The following PALS2 variants were observed in gnomAD, a reference collection of about 807,000 sequenced individuals.
The protein encoded by PALS2 is protein PALS2.
Under a neutral mutation model 61.6 loss-of-function variants are expected in PALS2, and 27 were observed. The ratio of observed to expected loss-of-function variants is 0.44; its 90% CI spans 0.32 to 0.60. PALS2 has a LOEUF of 0.60. Among genes scored for constraint, PALS2 ranks in the 20% least tolerant of loss-of-function variants. The pLI, the probability that PALS2 is intolerant of heterozygous loss-of-function variation, is 0.05. For synonymous variants in PALS2, 236 were observed against 218.6 expected (o/e 1.08, Z -0.70); for missense variants, 554 against 639.4 (o/e 0.87, Z 1.44).
intron 11 of PALS2, among the ~76,000 whole-genome samples, chr7:24,685,546 A>G (rs1788151052): frequency 6.6e-6 from 1 of 151,346 alleles, no homozygotes; most frequent in Admixed American, 6.6e-5. Flanking sequence ...ATGTGCCTGC[A>G]TTTTTCCAAT....
intron 1 of PALS2, among the ~76,000 whole-genome samples, chr7:24,613,508 ATGTTT>A: frequency 6.6e-6 from 1 of 151,760 alleles, no homozygotes. Context: ...GTACTTAGTG[ATGTTT>A]TAGTACATAC....
chr7:24,629,292 A>G (rs1400346131), intron 2 of PALS2, among the ~76,000 whole-genome samples: 2 of 152,202 alleles, frequency 1.3e-5, no homozygotes, highest in Admixed American at 1.3e-4. Flanking sequence ...ATATGCAGAA[A>G]ACTGAAACTG....
At chr7:24,646,591 A>C (rs1190479681) in intron 3 of PALS2, among the ~76,000 whole-genome samples, 1 of 152,188 alleles carries the variant, frequency 6.6e-6, no homozygotes, top group Non-Finnish European at 1.5e-5. Context: ...AATGTTTGTC[A>C]AGGATATTGG....
chr7:24,665,658 C>T lies in PALS2; in HGVS notation c.854C>T (p.Ala285Val). 3 of 1,613,748 alleles carry T rather than the reference C, an allele frequency of 1.9e-6. No individual in the cohort carries two copies. Among genetic ancestry groups the T allele is most frequent in the Non-Finnish European group, 2.5e-6 (3 of 1,179,708 alleles). Residue 285 changes from alanine (A) to valine (V), a missense_variant, in exon 7 of 12, where the codon GCA becomes GTA. Ala to Val is a moderately conservative substitution (Grantham distance 64, BLOSUM62 0). Coordinates refer to ENST00000222644, the MANE Select transcript of PALS2 (RefSeq NM_001303037.2). ...CAGTTCCTGGAAGAGAAGAGAAAGG[C>T]ATTTGTTAGAAGAGACTGGGACAAT... ...PSQFLEEKRK[A>V]FVRRDWDNSG...
chr7:24,601,211 C>G, intron 1 of PALS2, among the ~76,000 whole-genome samples: 1 of 152,188 alleles, frequency 6.6e-6, no homozygotes, highest in East Asian at 1.9e-4. Flanking sequence ...GTTCTTTCAC[C>G]CTAATTATAT....
At chr7:24,670,258 C>G (rs888170444) in intron 9 of PALS2, among the ~76,000 whole-genome samples, 12 of 150,966 alleles carry the variant, frequency 7.9e-5, no homozygotes, top group Admixed American at 5.9e-4. Context: ...TTTATACTAC[C>G]TGATTTTATA....
At chr7:24,614,583 G>C (rs1020574070) in intron 1 of PALS2, among the ~76,000 whole-genome samples, 4 of 151,850 alleles carry the variant, frequency 2.6e-5, no homozygotes, top group African/African-American at 9.7e-5. Context: ...TGGAGCACCA[G>C]ATATAAAAGG....
intron 1 of PALS2, among the ~76,000 whole-genome samples, chr7:24,576,893 T>A (rs1223977216): frequency 6.6e-6 from 1 of 152,216 alleles, no homozygotes; most frequent in African/African-American, 2.4e-5. Flanking sequence ...GTCATATAGA[T>A]AAGATTAAAG....
chr7:24,675,021 A>G (rs1421401055), intron 9 of PALS2, among the ~76,000 whole-genome samples: 4 of 152,212 alleles, frequency 2.6e-5, no homozygotes, highest in Non-Finnish European at 5.9e-5. Flanking sequence ...TTGTAGTCAA[A>G]CCTTCATGTT....
rs189395669 is a variant in PALS2, at chr7:24,651,012, C to A, written c.651+300C>A. ...TGAATTACTAATCTAGTAAACATTT[C>A]TGACAGCTGTTATGTTCAGGCATTG... On this transcript the variant is annotated intron_variant, in intron 5 of 11. Coordinates refer to ENST00000222644, the MANE Select transcript of PALS2 (RefSeq NM_001303037.2). Among the ~76,000 whole-genome samples the A allele has an allele frequency of 8.5e-5, 13 of 152,142 alleles. No individual in the cohort carries two copies. In the East Asian group the frequency reaches 2.5e-3, roughly 29 times the overall value.
chr7:24,640,785 G>T (rs993275795), intron 2 of PALS2, among the ~76,000 whole-genome samples: 19 of 152,064 alleles, frequency 1.2e-4, no homozygotes, highest in African/African-American at 4.6e-4. Context: ...GAGGCGGGTG[G>T]ATCACGAGGT....
intron 5 of PALS2, among the ~76,000 whole-genome samples, chr7:24,656,642 C>G (rs1034021376): frequency 6.6e-6 from 1 of 152,162 alleles, no homozygotes; most frequent in African/African-American, 2.4e-5. Flanking sequence ...TCTACCTCAG[C>G]CTTCTGAGTA....
intron 1 of PALS2, among the ~76,000 whole-genome samples, chr7:24,608,659 T>C (rs921213620): frequency 6.6e-6 from 1 of 152,228 alleles, no homozygotes. Context: ...TGTTACCTAG[T>C]AGCACAGTCA....
chr7:24,600,301 G>A (rs1013595360), intron 1 of PALS2, among the ~76,000 whole-genome samples: 4 of 152,114 alleles, frequency 2.6e-5, no homozygotes, highest in Admixed American at 1.3e-4. Context: ...TGGAACCACT[G>A]TTGTATATGT....
rs561462920 is a variant in PALS2 at position 24,680,485 on chromosome 7, G to T, written c.1411G>T (p.Val471Leu). 6.2e-7 allele frequency: 1 copy of T among 1,614,098 alleles called. No individual in the cohort carries two copies. Among genetic ancestry groups the T allele is most frequent in the South Asian group, 1.1e-5 (1 of 91,080 alleles). ...GACGTTACGTGCCATGCACAAGGCT[G>T]TGGTGGATGCAGGAATCACTACCAA... ...LETLRAMHKA[V>L]VDAGITTKLL... The change falls in exon 11 of 12, where the codon GTG becomes TTG. Residue 471 changes from valine (V) to leucine (L), a missense_variant. Transcript: ENST00000222644.
At chr7:24,574,645 G>A (rs753894628) in intron 1 of PALS2, among the ~76,000 whole-genome samples, 1 of 152,044 alleles carries the variant, frequency 6.6e-6, no homozygotes, top group African/African-American at 2.4e-5. Flanking sequence ...TCTTTCCTAC[G>A]CCTTTGGAGA....
chr7:24,643,058 T>G (rs1030984699), intron 3 of PALS2, among the ~76,000 whole-genome samples: 1 of 152,084 alleles, frequency 6.6e-6, no homozygotes, highest in African/African-American at 2.4e-5. Context: ...CAACAGGATA[T>G]AGTGATTGGT....
intron 3 of PALS2, among the ~76,000 whole-genome samples, chr7:24,647,446 GC>G (rs1785900073): frequency 6.6e-6 from 1 of 152,136 alleles, no homozygotes; most frequent in African/African-American, 2.4e-5. Context: ...ATCATATCAT[GC>G]CCAGCCTCAT....
At chr7:24,661,949 C>G (rs1338363758) in intron 5 of PALS2, among the ~76,000 whole-genome samples, 1 of 152,108 alleles carries the variant, frequency 6.6e-6, no homozygotes, top group Admixed American at 6.6e-5. Flanking sequence ...AACTAAATTT[C>G]CTTTGGTTAA....
Sources: gnomAD v4.1 joint callset for allele counts (sites outside exome capture counted in the v4.1 genomes callset) on GRCh38, gnomAD v4.1.1 for gene constraint, MANE v1.5 for transcripts, NCBI Gene and HGNC (gene_info 2026-07-23, HGNC 2026-07-21) for gene names.